REPS2: variants seen among roughly 807,000 people sequenced by gnomAD.
REPS2 encodes the protein ralBP1-associated Eps domain-containing protein 2.
Under a neutral mutation model 53.6 loss-of-function variants are expected in REPS2, and 23 were observed. That is an observed-to-expected ratio of 0.43 (90% CI 0.31 to 0.61). The LOEUF is 0.61. Ranked by LOEUF, REPS2 falls within the 20% of genes least tolerant of loss-of-function variation. REPS2 has a pLI of 0.11. For synonymous variants in REPS2, 238 were observed against 218.6 expected (o/e 1.09, Z -0.78); for missense variants, 446 against 534.9 (o/e 0.83, Z 1.64).
At chrX:17,091,999 T>C in intron 13 of REPS2, among the ~76,000 whole-genome samples, 1 of 111,730 alleles carries the variant, frequency 9.0e-6, no homozygotes, top group Non-Finnish European at 1.9e-5. Context: ...CCTTGAGTGT[T>C]TTTCCCCCCT....
chrX:17,092,551 G>A (rs2062631150), intron 13 of REPS2, among the ~76,000 whole-genome samples: 1 of 109,791 alleles, frequency 9.1e-6, no homozygotes, highest in African/African-American at 3.3e-5. Context: ...ATTTTTGGCT[G>A]GACAAAGCCT....
In REPS2 at chrX:16,951,557, A is replaced by ACC. The variant is rs1432722996; in HGVS notation, c.273+4424_273+4425insCC. ...CACACACACACACACACACACACAC[A>ACC]CACCCCCGCTACCTACCTCTCTCTG... is the stretch of plus-strand genomic sequence containing the variant. On this transcript the variant is annotated intron_variant, in intron 1 of 17. Transcript: ENST00000357277. Among the ~76,000 whole-genome samples the ACC allele has an allele frequency of 5.1e-3, 113 of 22,205 alleles. 2 individuals carry two copies. Among genetic ancestry groups the ACC allele is most frequent in the Middle Eastern group, 0.028 (1 of 36 alleles). 19.3% of individuals were successfully genotyped at this position (22,205 alleles called of 115,157 possible).
chrX:17,006,490 A>C (rs1398660068), intron 2 of REPS2, 146 bp downstream of exon 2: 1 of 524,983 alleles, frequency 1.9e-6, no homozygotes, highest in East Asian at 3.9e-5. Flanking sequence ...CTTGGCAGGT[A>C]GGTAGCTTAG....
intron 1 of REPS2, among the ~76,000 whole-genome samples, chrX:17,003,675 C>G (rs1342438114): frequency 8.9e-6 from 1 of 111,751 alleles, no homozygotes; most frequent in Admixed American, 9.5e-5. Context: ...CCAGCCCCTC[C>G]TACTAGGAGT....
At chrX:17,033,881 C>G in intron 5 of REPS2, among the ~76,000 whole-genome samples, 1 of 111,773 alleles carries the variant, frequency 8.9e-6, no homozygotes. Context: ...CAGCAGCTCA[C>G]TGCCGCTTTC....
chrX:17,099,716 T>G, intron 13 of REPS2: 1 of 490,688 alleles, frequency 2.0e-6, no homozygotes, highest in Non-Finnish European at 3.7e-6. Flanking sequence ...CAAGTAGAAC[T>G]TCTTTCCTTC....
At chrX:17,000,795 A>C (rs1680273636) in intron 1 of REPS2, among the ~76,000 whole-genome samples, 1 of 111,963 alleles carries the variant, frequency 8.9e-6, no homozygotes, top group Non-Finnish European at 1.9e-5. Flanking sequence ...CATTTTGCTT[A>C]ATGGGATTCA....
At chrX:16,993,637 C>T (rs1462332996) in intron 1 of REPS2, among the ~76,000 whole-genome samples, 2 of 112,249 alleles carry the variant, frequency 1.8e-5, no homozygotes, top group Non-Finnish European at 3.8e-5. Context: ...GTGCCTGGCT[C>T]GGATCAGTAT....
At chrX:17,170,290 T>C in the REPS2 span, among the ~76,000 whole-genome samples, 1 of 112,370 alleles carries the variant, frequency 8.9e-6, no homozygotes, top group Non-Finnish European at 1.9e-5. Flanking sequence ...GCTTTGGCTA[T>C]GAAAGCAAAA....
chrX:17,035,003 C>T (rs969557501), intron 5 of REPS2, among the ~76,000 whole-genome samples: 30 of 110,399 alleles, frequency 2.7e-4, no homozygotes, highest in African/African-American at 9.9e-4. Context: ...TGCCGTACCT[C>T]CTCCCCTAGA....
chrX:17,025,849 G>C (rs1371075158), intron 4 of REPS2, among the ~76,000 whole-genome samples: 1 of 111,442 alleles, frequency 9.0e-6, no homozygotes, highest in African/African-American at 3.3e-5. Flanking sequence ...ATTCACTGCA[G>C]CATCTTGTGC....
At chrX:16,966,257 T>C (rs1249715159) in intron 1 of REPS2, among the ~76,000 whole-genome samples, 1 of 112,475 alleles carries the variant, frequency 8.9e-6, no homozygotes, top group African/African-American at 3.2e-5. Flanking sequence ...AGCTCCCTGC[T>C]ACTGAAATGA....
Position 17,047,425 on chromosome X carries a change from G to A in REPS2, c.850G>A (p.Glu284Lys), listed in dbSNP as rs367803010. The A allele has an allele frequency of 3.5e-5, 42 of 1,208,960 alleles. No homozygotes were observed. The highest frequency in any genetic ancestry group is 5.3e-5 in the African/African-American group (3 of 57,022). The change falls in exon 6 of 18, where the codon GAG becomes AAG. Residue 284 changes from glutamate to lysine, a missense_variant. By Grantham distance (56) the Glu-to-Lys change is moderately conservative (BLOSUM62 1). Transcript: ENST00000357277. ...CTGGAGGATAACAGAAGAACAGCGC[G>A]AGTACTATGTCAATCAGTTCCGATC... Reference protein sequence around the residue: ...EPWRITEEQREYYVNQFRSLQ... With the variant: ...EPWRITEEQRKYYVNQFRSLQ...
chrX:17,105,769 A>G (rs1404784709), intron 14 of REPS2, among the ~76,000 whole-genome samples: 2 of 112,245 alleles, frequency 1.8e-5, no homozygotes, highest in Non-Finnish European at 3.8e-5. Flanking sequence ...CACCCACTGT[A>G]AGTGGGACAC....
chrX:16,973,161 A>G (rs2060915239), intron 1 of REPS2, among the ~76,000 whole-genome samples: 1 of 112,230 alleles, frequency 8.9e-6, no homozygotes, highest in African/African-American at 3.2e-5. Flanking sequence ...TGGCAAGAAT[A>G]TAATGATGCA....
At chrX:17,191,337 A>ATATAAAATGATAAAC in the REPS2 span, among the ~76,000 whole-genome samples, 2 of 112,356 alleles carry the variant, frequency 1.8e-5, no homozygotes, top group Non-Finnish European at 3.8e-5. Flanking sequence ...ATATTAAAAG[A>ATATAAAATGATAAAC]AGCTCACCAT....
intron 1 of REPS2, among the ~76,000 whole-genome samples, chrX:16,958,513 T>C (rs898306243): frequency 8.9e-6 from 1 of 111,840 alleles, no homozygotes; most frequent in Non-Finnish European, 1.9e-5. Flanking sequence ...CAGGAAGCTA[T>C]TGCCATTCCT....
At chrX:17,177,889 G>A in the REPS2 span, among the ~76,000 whole-genome samples, 123 of 111,425 alleles carry the variant, frequency 1.1e-3, no homozygotes, top group African/African-American at 3.5e-3. Context: ...CCAAGAGTGT[G>A]TCTGCTGTCA....
At chrX:17,162,118 A>G in the REPS2 span, among the ~76,000 whole-genome samples, 1 of 112,177 alleles carries the variant, frequency 8.9e-6, no homozygotes, top group Admixed American at 9.4e-5. Context: ...CCACTGGGTG[A>G]GTCAGAACAG....
Sources: gnomAD v4.1 joint callset for allele counts (sites outside exome capture counted in the v4.1 genomes callset) on GRCh38, gnomAD v4.1.1 for gene constraint, MANE v1.5 for transcripts, NCBI Gene and HGNC (gene_info 2026-07-23, HGNC 2026-07-21) for gene names.